Variants in RBM33 observed in about 807,000 individuals in gnomAD.
RBM33 encodes RNA binding motif protein 33, also known as RNA-binding protein 33.
A neutral mutation model predicts 132.6 loss-of-function variants in RBM33; 28 were observed. That is an observed-to-expected ratio of 0.21 (90% CI 0.16 to 0.29). The LOEUF is 0.29. Ranked by LOEUF, RBM33 falls within the 10% of genes least tolerant of loss-of-function variation. The pLI is 1.00. For missense variants in RBM33, 1,291 were observed against 1,518.5 expected, an observed-to-expected ratio of 0.85 and a Z score of 2.49; for synonymous variants, 634 against 593.0, an observed-to-expected ratio of 1.07 and a Z score of -1.01.
Position 155,761,885 on chromosome 7 carries a change from G to A in RBM33, c.2980-1927G>A, listed in dbSNP as rs746394030. ...GAAACTCAAATGACTGATTTTAGAT[G>A]TTTTTCCTTTTTGATGTCATTGCTT... On this transcript the variant is annotated intron_variant, in intron 14 of 17. Coordinates refer to ENST00000401878, the MANE Select transcript of RBM33 (RefSeq NM_053043.3). Among the ~76,000 whole-genome samples the A allele has an allele frequency of 7.9e-5, 12 of 152,208 alleles. No individual in the cohort carries two copies. In the Middle Eastern group the frequency reaches 0.01, roughly 129 times the overall value.
At chr7:155,755,927 T>G (rs1801835508) in intron 14 of RBM33, among the ~76,000 whole-genome samples, 1 of 152,198 alleles carries the variant, frequency 6.6e-6, no homozygotes, top group Non-Finnish European at 1.5e-5. Flanking sequence ...TAAAAAGCGA[T>G]TTTTATAGCA....
chr7:155,666,179 G>T (rs867559290), intron 2 of RBM33, among the ~76,000 whole-genome samples: 1 of 152,274 alleles, frequency 6.6e-6, no homozygotes, highest in South Asian at 2.1e-4. Flanking sequence ...GAAGTTACAC[G>T]GTCTGTAGAA....
At chr7:155,758,934 G>A (rs1180818421) in intron 14 of RBM33, among the ~76,000 whole-genome samples, 2 of 152,134 alleles carry the variant, frequency 1.3e-5, no homozygotes, top group African/African-American at 4.8e-5. Flanking sequence ...GGGCCCAAGA[G>A]CTTCCCAAGC....
intron 5 of RBM33, among the ~76,000 whole-genome samples, chr7:155,697,768 T>C (rs1799837800): frequency 6.6e-6 from 1 of 152,234 alleles, no homozygotes; most frequent in South Asian, 2.1e-4. Context: ...TCCAGTTCTT[T>C]CTACATTTAC....
chr7:155,772,668 G>A (rs1348508584), intron 16 of RBM33, among the ~76,000 whole-genome samples: 4 of 152,164 alleles, frequency 2.6e-5, no homozygotes, highest in African/African-American at 9.7e-5. Flanking sequence ...AAGGGAGAAA[G>A]TCTGATATTT....
At chr7:155,711,492 GC>G in intron 8 of RBM33, 37 bp downstream of exon 8, 2 of 1,300,376 alleles carry the variant, frequency 1.5e-6, no homozygotes, top group Non-Finnish European at 1.0e-6. Context: ...AGCATAGATG[GC>G]CCCAGCTTCC....
chr7:155,764,963 T>G (rs1261703663), intron 15 of RBM33, among the ~76,000 whole-genome samples: 1 of 152,236 alleles, frequency 6.6e-6, no homozygotes, highest in Non-Finnish European at 1.5e-5. Flanking sequence ...GTAGACAGAT[T>G]CAGTGATAAC....
intron 16 of RBM33, 130 bp downstream of exon 16, chr7:155,766,785 A>T: frequency 1.1e-6 from 1 of 889,464 alleles, no homozygotes. Context: ...AAGTAAGACA[A>T]ATAACCTGTT....
chr7:155,725,401 A>C (rs1354290338), intron 9 of RBM33, among the ~76,000 whole-genome samples: 2 of 152,062 alleles, frequency 1.3e-5, no homozygotes, highest in Admixed American at 6.5e-5. Flanking sequence ...CAAATTGCTT[A>C]AGTTCACACA....
intron 2 of RBM33, among the ~76,000 whole-genome samples, chr7:155,671,095 G>C (rs894104204): frequency 4.6e-5 from 7 of 152,060 alleles, no homozygotes; most frequent in Non-Finnish European, 1.0e-4. Context: ...CTTTAAAAGA[G>C]GTGCTTGTGT....
At chr7:155,695,500 C>T (rs988305162) in intron 5 of RBM33, among the ~76,000 whole-genome samples, 1 of 152,190 alleles carries the variant, frequency 6.6e-6, no homozygotes, top group Admixed American at 6.5e-5. Context: ...CACTCTGGCG[C>T]CCAGGCTGGA....
intron 5 of RBM33, among the ~76,000 whole-genome samples, chr7:155,681,881 G>C (rs968892883): frequency 5.9e-5 from 9 of 151,868 alleles, no homozygotes; most frequent in Non-Finnish European, 1.2e-4. Context: ...TGGAACCTTT[G>C]AATATTTAGT....
At chr7:155,731,284 T>C (rs1585500136) in intron 9 of RBM33, among the ~76,000 whole-genome samples, 1 of 152,374 alleles carries the variant, frequency 6.6e-6, no homozygotes, top group African/African-American at 2.4e-5. Flanking sequence ...AGTGCTGTGG[T>C]GCCCACCTTA....
chr7:155,709,131 C>T (rs1472683561), intron 7 of RBM33, among the ~76,000 whole-genome samples: 1 of 151,330 alleles, frequency 6.6e-6, no homozygotes, highest in Non-Finnish European at 1.5e-5. Context: ...CTTCTTTCTC[C>T]CTTTTGACCT....
chr7:155,659,931 C>T (rs1438656173), intron 1 of RBM33, among the ~76,000 whole-genome samples: 1 of 152,210 alleles, frequency 6.6e-6, no homozygotes, highest in Non-Finnish European at 1.5e-5. Flanking sequence ...AAGTCTTTGG[C>T]TTCACATGAC....
intron 5 of RBM33, among the ~76,000 whole-genome samples, chr7:155,699,760 A>G (rs1563149803): frequency 6.6e-6 from 1 of 152,200 alleles, no homozygotes. Flanking sequence ...AATACTGAAA[A>G]AGGCAAGAAT....
chr7:155,644,688 T>G lies in RBM33; in HGVS notation c.-189T>G. On this transcript the variant is annotated 5_prime_UTR_variant, in exon 1 of 18. The change abolishes the stop of an existing upstream ORF in the 5' untranslated region. Transcript: ENST00000401878. The stretch of plus-strand genomic sequence containing the variant: ...GCGCGGGCGCGCGGCCATGTTGCGG[T>G]AGTTTGTTGTTTTCTTCCTGCGGAG... 17 of 425,002 alleles carry G rather than the reference T, an allele frequency of 4.0e-5. No homozygotes were observed. Among genetic ancestry groups the G allele is most frequent in the Middle Eastern group, 6.3e-4 (1 of 1,594 alleles). The allele number at this position is 425,002 out of a possible 1,614,324, so 26.3% of individuals were successfully genotyped here.
chr7:155,674,549 C>A (rs942077091), intron 3 of RBM33, among the ~76,000 whole-genome samples: 22 of 152,148 alleles, frequency 1.4e-4, no homozygotes, highest in African/African-American at 5.1e-4. Flanking sequence ...TGTTTCTTTC[C>A]AGAAAGCTGT....
intron 1 of RBM33, among the ~76,000 whole-genome samples, chr7:155,650,005 T>C (rs1242892670): frequency 6.6e-6 from 1 of 152,220 alleles, no homozygotes; most frequent in Non-Finnish European, 1.5e-5. Context: ...GATTTCCCAT[T>C]ATACATGGGA....
Sources: gnomAD v4.1 joint callset for allele counts (sites outside exome capture counted in the v4.1 genomes callset) on GRCh38, gnomAD v4.1.1 for gene constraint, MANE v1.5 for transcripts, NCBI Gene and HGNC (gene_info 2026-07-23, HGNC 2026-07-21) for gene names.